The following SLCO4A1 variants were observed in gnomAD, a reference collection of about 807,000 sequenced individuals.
SLCO4A1 encodes the protein colon organic anion transporter.
Under a neutral mutation model 64.6 loss-of-function variants are expected in SLCO4A1, and 51 were observed. The observed-to-expected ratio is 0.79, with a 90% CI of 0.63 to 1.00. SLCO4A1 has a LOEUF of 1.00. Among genes scored for constraint, SLCO4A1 ranks in the 50% least tolerant of loss-of-function variants. The probability of loss-of-function intolerance (pLI) is 0.00; values close to 1 mark genes in which losing one functional copy is unlikely to be tolerated. For synonymous variants in SLCO4A1, 471 were observed against 444.9 expected (o/e 1.06, Z -0.74); for missense variants, 919 against 980.5 (o/e 0.94, Z 0.84).
chr20:62,660,916 C>T, intron 4 of SLCO4A1, 148 bp from the exon 5 acceptor site: 4 of 631,060 alleles, frequency 6.3e-6, no homozygotes, highest in Non-Finnish European at 1.1e-5. Flanking sequence ...AGTGCCGCCT[C>T]CCCGGGGCTG....
rs375108141 is a variant in SLCO4A1, at chr20:62,665,064, G to A, written c.1252G>A (p.Ala418Thr). 6.2e-7 allele frequency: 1 copy of A among 1,610,380 alleles called. No homozygotes were observed. Among genetic ancestry groups the A allele is most frequent in the Non-Finnish European group, 8.5e-7 (1 of 1,178,840 alleles). Residue 418 changes from alanine (A) to threonine (T), a missense_variant, in exon 6 of 12, where the codon GCC becomes ACC. By Grantham distance (58) the Ala-to-Thr change is moderately conservative. Coordinates refer to ENST00000217159, the MANE Select transcript of SLCO4A1 (RefSeq NM_016354.4). The part of the protein sequence containing the change: ...KFLESQFSLS[A>T]SEAATLFGYL... Reference sequence around the variant, plus strand: ...CTTGGAGTCCCAGTTCAGCCTGAGTGCCTCAGAAGCTGCCACCTTGTTTGG... The same window carrying A: ...CTTGGAGTCCCAGTTCAGCCTGAGTACCTCAGAAGCTGCCACCTTGTTTGG...
In SLCO4A1 at chr20:62,658,762, C is replaced by T; in HGVS notation, c.882C>T (p.Gly294=). Reference sequence around the variant, plus strand: ...TGCTGAATATCTACACGGAAATGGGCCGACGGTGAGTGGCCGCGCACCCAG... The same window carrying T: ...TGCTGAATATCTACACGGAAATGGGTCGACGGTGAGTGGCCGCGCACCCAG... The part of the protein sequence containing the change: ...GALLNIYTEM[G]RRTELTTESP... The change falls in exon 3 of 12, where the codon GGC becomes GGT. Residue 294 remains glycine, a synonymous_variant. Transcript: ENST00000217159. The T allele has an allele frequency of 6.2e-7, 1 of 1,607,976 alleles. No homozygotes were observed. Among genetic ancestry groups the T allele is most frequent in the Non-Finnish European group, 8.5e-7 (1 of 1,177,622 alleles).
At position 62,667,843 on chromosome 20, in the gene SLCO4A1, T is replaced by C; in HGVS notation, c.1571T>C (p.Leu524Pro). The C allele has an allele frequency of 6.2e-7, 1 of 1,613,592 alleles. No individual in the cohort carries two copies. Among genetic ancestry groups the C allele is most frequent in the South Asian group, 1.1e-5 (1 of 91,086 alleles). The change falls in exon 8 of 12, where the codon CTC (leucine) becomes CCC (proline). Residue 524 changes from leucine to proline, a missense_variant. Physicochemically the swap from Leu to Pro is moderately conservative, Grantham distance 98. Transcript: ENST00000217159. ...HYSPVCGSDG[L>P]MYFSLCHAGC... ...AGCCCTGTGTGCGGCTCGGACGGCC[T>C]CATGTACTTCTCACTGTGCCACGCA...
At chr20:62,659,211 G>GGAGATA (rs1305069932) in intron 3 of SLCO4A1, among the ~76,000 whole-genome samples, 1 of 152,178 alleles carries the variant, frequency 6.6e-6, no homozygotes, top group Non-Finnish European at 1.5e-5. Flanking sequence ...AGAGACAGAT[G>GGAGATA]GAGATAGAGA....
rs753358568 is a variant in SLCO4A1, at chr20:62,656,483, C to T, written c.29C>T (p.Pro10Leu). Residue 10 changes from proline (P) to leucine (L), a missense_variant, in exon 2 of 12, where the codon CCG (proline) becomes CTG (leucine). Physicochemically the swap from Pro to Leu is moderately conservative, Grantham distance 98 (BLOSUM62 -3). Coordinates refer to ENST00000217159, the MANE Select transcript of SLCO4A1 (RefSeq NM_016354.4). The part of the protein sequence containing the change: MPLHQLGDK[P>L]LTFPSPNSAM... ...CCCCTGCATCAGCTGGGGGACAAGC[C>T]GCTCACCTTCCCCAGCCCCAACTCA... 7 of 1,517,522 alleles carry T rather than the reference C, an allele frequency of 4.6e-6. No homozygotes were observed. In the African/African-American group the frequency reaches 6.9e-5, roughly 15 times the overall value. The allele number at this position is 1,517,522 out of a possible 1,614,324, so 94.0% of individuals were successfully genotyped here. A position where few individuals can be genotyped will look rare whatever the true frequency, so the allele number is the denominator to read the frequency against.
In SLCO4A1 at chr20:62,656,921, G is replaced by C; in HGVS notation, c.467G>C (p.Cys156Ser). ...ASSYDIAACLCLTFVSYFGGS... is the reference protein window; with the variant it reads ...ASSYDIAACLSLTFVSYFGGS... ...TCCTACGACATTGCCGCCTGCCTCT[G>C]CCTCACCTTCGTCAGCTACTTCGGG... The change falls in exon 2 of 12, where the codon TGC (cysteine) becomes TCC (serine). Residue 156 changes from cysteine (C) to serine (S), a missense_variant. Cys to Ser is a moderately radical substitution (Grantham distance 112). Transcript: ENST00000217159. 6.4e-7 allele frequency: 1 copy of C among 1,567,122 alleles called. No individual in the cohort carries two copies. Among genetic ancestry groups the C allele is most frequent in the Non-Finnish European group, 8.7e-7 (1 of 1,150,868 alleles).
chr20:62,687,858 G>A (rs1004186415), downstream of SLCO4A1, among the ~76,000 whole-genome samples: 10 of 152,114 alleles, frequency 6.6e-5, no homozygotes, highest in South Asian at 2.1e-4. Flanking sequence ...AGCCTCAGGG[G>A]TATCCCTGAG....
At position 62,667,875 on chromosome 20, in the gene SLCO4A1, C is replaced by G; in HGVS notation, c.1603C>G (p.Pro535Ala). Residue 535 changes from proline to alanine, a missense_variant, in exon 8 of 12, where the codon CCT becomes GCT. Pro to Ala is a conservative substitution (Grantham distance 27). Transcript: ENST00000217159. ...CTTCTCACTGTGCCACGCAGGGTGC[C>G]CTGCAGCCACGGAGACGAATGTGGA... is the stretch of plus-strand genomic sequence containing the variant. ...MYFSLCHAGC[P>A]AATETNVDGQ... 1 of 1,613,872 alleles carries G rather than the reference C, an allele frequency of 6.2e-7. No individual in the cohort carries two copies. The highest frequency in any genetic ancestry group is 1.3e-5 in the African/African-American group (1 of 75,064).
chr20:62,666,316 C>T (rs1986325424), intron 6 of SLCO4A1, 64 bp from the exon 7 acceptor site: 1 of 1,474,096 alleles, frequency 6.8e-7, no homozygotes, highest in Non-Finnish European at 9.4e-7. Context: ...CCCGGCTGAT[C>T]CACCACCCTC....
In SLCO4A1 at chr20:62,658,710, C is replaced by G; in HGVS notation, c.830C>G (p.Ala277Gly). 3.1e-6 allele frequency: 5 copies of G among 1,612,318 alleles called. No individual in the cohort carries two copies. Among genetic ancestry groups the G allele is most frequent in the Non-Finnish European group, 4.2e-6 (5 of 1,179,618 alleles). ...TACACAGCGGCCATCCTGGGCCCAG[C>G]TGCCGGCTACCTGATTGGAGGTGCC... ...IFYTAAILGP[A>G]AGYLIGGALL... Residue 277 changes from alanine to glycine, a missense_variant, in exon 3 of 12, where the codon GCT becomes GGT. Coordinates refer to ENST00000217159, the MANE Select transcript of SLCO4A1 (RefSeq NM_016354.4).
At chr20:62,674,348 G>A (rs1987487315), downstream of SLCO4A1, among the ~76,000 whole-genome samples, 1 of 152,196 alleles carries the variant, frequency 6.6e-6, no homozygotes, top group African/African-American at 2.4e-5. Context: ...GGGCTGAGCT[G>A]AGATTGGTCA....
chr20:62,663,213 G>A (rs1985381812), intron 5 of SLCO4A1: 1 of 152,222 alleles, frequency 6.6e-6, no homozygotes, highest in South Asian at 2.1e-4. Context: ...TGGGCCTGTT[G>A]GGGCTCAGAG....
intron 3 of SLCO4A1, 95 bp downstream of exon 3, chr20:62,658,862 G>C: frequency 8.9e-7 from 1 of 1,118,072 alleles, no homozygotes; most frequent in South Asian, 1.4e-5. Context: ...GAGTCAGGCC[G>C]GGCGCGGCGC....
intron 9 of SLCO4A1, 111 bp from the exon 10 acceptor site, chr20:62,668,363 TGGG>T: frequency 8.2e-7 from 1 of 1,226,982 alleles, no homozygotes; most frequent in Non-Finnish European, 1.2e-6. Flanking sequence ...GCTTCCCACT[TGGG>T]GGGGGGTGAT....
chr20:62,658,315 C>T (rs942041489), intron 2 of SLCO4A1, among the ~76,000 whole-genome samples: 2 of 152,236 alleles, frequency 1.3e-5, no homozygotes, highest in African/African-American at 4.8e-5. Context: ...GTGAGCGTGG[C>T]TGGGCGGAGG....
intron 11 of SLCO4A1, chr20:62,669,942 T>A (rs1284335203): frequency 6.6e-6 from 1 of 152,280 alleles, no homozygotes; most frequent in Non-Finnish European, 1.5e-5. Flanking sequence ...GAGGTTTCAC[T>A]TTCCACAGTT....
rs573818163 is a variant in SLCO4A1 at position 62,654,968 on chromosome 20, A to G, written c.-96-1391A>G. Among the ~76,000 whole-genome samples the G allele has an allele frequency of 4.6e-5, 7 of 152,286 alleles. No individual in the cohort carries two copies. The South Asian group carries it at 1.5e-3, about 32-fold the overall frequency. On this transcript the variant is annotated intron_variant, in intron 1 of 11. Coordinates refer to ENST00000217159, the MANE Select transcript of SLCO4A1 (RefSeq NM_016354.4). ...GCAGGGGAATGGTCTGCACATCCAC[A>G]TTCCCTTTTTATAATATGGACACCG...
chr20:62,670,618 C>T (rs1329475599), intron 11 of SLCO4A1, among the ~76,000 whole-genome samples: 2 of 152,170 alleles, frequency 1.3e-5, no homozygotes, highest in African/African-American at 2.4e-5. Context: ...GCTGTACTTT[C>T]CCAGGGAGCC....
At chr20:62,655,330 G>A (rs1157062993) in intron 1 of SLCO4A1, among the ~76,000 whole-genome samples, 2 of 140,008 alleles carry the variant, frequency 1.4e-5, no homozygotes, top group African/African-American at 5.3e-5. Flanking sequence ...CAGGTGTTCT[G>A]TATCACAGCA....
Sources: gnomAD v4.1 joint callset for allele counts (sites outside exome capture counted in the v4.1 genomes callset) on GRCh38, gnomAD v4.1.1 for gene constraint, MANE v1.5 for transcripts, NCBI Gene and HGNC (gene_info 2026-07-23, HGNC 2026-07-21) for gene names.